The following KYNU variants were observed in gnomAD, a reference collection of about 807,000 sequenced individuals.
KYNU encodes the protein kynureninase, also known as L-kynurenine hydrolase.
KYNU carries 54 observed loss-of-function variants against 59.2 expected under a neutral mutation model. That is an observed-to-expected ratio of 0.91 (90% CI 0.73 to 1.14). KYNU has a LOEUF of 1.14. Ranked by LOEUF, KYNU falls within the 50% of genes most tolerant of loss-of-function variation. The pLI is 0.00. For missense variants in KYNU, 567 were observed against 554.4 expected, an observed-to-expected ratio of 1.02 and a Z score of -0.23; for synonymous variants, 177 against 192.0, an observed-to-expected ratio of 0.92 and a Z score of 0.65.
intron 10 of KYNU, among the ~76,000 whole-genome samples, chr2:143,010,000 C>A (rs1249004621): frequency 7.2e-6 from 1 of 138,356 alleles, no homozygotes; most frequent in Non-Finnish European, 1.5e-5. Flanking sequence ...AAAACTGGCA[C>A]AAGACAGGGA....
intron 10 of KYNU, among the ~76,000 whole-genome samples, chr2:142,986,564 T>C (rs1685207207): frequency 6.6e-6 from 1 of 151,924 alleles, no homozygotes; most frequent in African/African-American, 2.4e-5. Context: ...AAGTAATACT[T>C]TTCTGTTTTA....
chr2:142,917,573 A>T (rs1682706815), intron 2 of KYNU, among the ~76,000 whole-genome samples: 1 of 152,162 alleles, frequency 6.6e-6, no homozygotes, highest in Non-Finnish European at 1.5e-5. Flanking sequence ...AAGTGCCGGG[A>T]TTACAGGCAT....
intron 10 of KYNU, among the ~76,000 whole-genome samples, chr2:143,006,511 G>T (rs1451757497): frequency 3.3e-5 from 1 of 30,642 alleles, no homozygotes; most frequent in Non-Finnish European, 5.7e-5. Context: ...GCTTGATTAG[G>T]TAAACAAAGC....
At chr2:142,962,179 G>A (rs1056049646) in intron 8 of KYNU, among the ~76,000 whole-genome samples, 14 of 152,302 alleles carry the variant, frequency 9.2e-5, no homozygotes, top group South Asian at 8.3e-4. Flanking sequence ...TAGTATACAC[G>A]TATGTCTCAT....
intron 2 of KYNU, among the ~76,000 whole-genome samples, chr2:142,886,037 G>C (rs1681501262): frequency 6.6e-6 from 1 of 151,990 alleles, no homozygotes; most frequent in Admixed American, 6.6e-5. Context: ...ACCAAGAAAA[G>C]AAACAACAAA....
chr2:142,930,470 C>A lies in KYNU; in HGVS notation c.373+2729C>A, dbSNP rs148940163. Among the ~76,000 whole-genome samples the A allele has an allele frequency of 6.3e-4, 96 of 152,172 alleles. 1 individual carries two copies. Among genetic ancestry groups the A allele is most frequent in the South Asian group, 1.2e-3 (6 of 4,828 alleles). On this transcript the variant is annotated intron_variant, in intron 4 of 13. Transcript: ENST00000264170. Reference sequence around the variant, plus strand: ...AACACCACAGACTGGGTGGCTTAAACAATATAAGTTTATTTTTTCGCAGTA... The same window carrying A: ...AACACCACAGACTGGGTGGCTTAAAAAATATAAGTTTATTTTTTCGCAGTA...
chr2:143,039,262 T>C (rs1686969465), intron 12 of KYNU, among the ~76,000 whole-genome samples: 1 of 152,140 alleles, frequency 6.6e-6, no homozygotes, highest in Non-Finnish European at 1.5e-5. Context: ...CTTGTTTTCT[T>C]ATTGTTAAAC....
At position 143,017,441 on chromosome 2, in the gene KYNU, T is replaced by TTTTC. The variant is rs1558977580; in HGVS notation, c.903-12183_903-12182insCTTT. On this transcript the variant is annotated intron_variant, in intron 10 of 13. Coordinates refer to ENST00000264170, the MANE Select transcript of KYNU (RefSeq NM_003937.3). ...ACCTTTTCTCTCTTTTTTCTTTTTT[T>TTTTC]TTTTTTTTTTTTTTTTTGAGATGGA... is the stretch of plus-strand genomic sequence containing the variant. Among the ~76,000 whole-genome samples, 6 of 77,626 alleles carry TTTTC rather than the reference T, an allele frequency of 7.7e-5. No homozygotes were observed. In the East Asian group the frequency reaches 2.4e-3, roughly 31 times the overall value. 50.9% of individuals were successfully genotyped at this position (77,626 alleles called of 152,430 possible). A position where few individuals can be genotyped will look rare whatever the true frequency, so the allele number is the denominator to read the frequency against.
At chr2:142,908,386 TTTAA>T (rs1682365769) in intron 2 of KYNU, among the ~76,000 whole-genome samples, 1 of 152,114 alleles carries the variant, frequency 6.6e-6, no homozygotes. Flanking sequence ...CCTTGAATAA[TTTAA>T]TTAAATTGAG....
intron 11 of KYNU, among the ~76,000 whole-genome samples, chr2:143,032,817 A>G (rs1686795719): frequency 6.6e-6 from 1 of 151,322 alleles, no homozygotes; most frequent in Non-Finnish European, 1.5e-5. Flanking sequence ...AGGTCATTTC[A>G]TTCATATTTC....
At chr2:142,986,292 CAA>C (rs1417159616) in intron 10 of KYNU, among the ~76,000 whole-genome samples, 4 of 151,730 alleles carry the variant, frequency 2.6e-5, no homozygotes, top group African/African-American at 9.7e-5. Flanking sequence ...TGGTTTAATG[CAA>C]AGAGACCACT....
intron 7 of KYNU, among the ~76,000 whole-genome samples, chr2:142,959,821 T>G (rs1485006707): frequency 6.6e-6 from 1 of 152,210 alleles, no homozygotes; most frequent in East Asian, 1.9e-4. Flanking sequence ...TCTTGAGCTT[T>G]AGATTAGTTT....
rs374700276 is a variant in KYNU at position 143,028,638 on chromosome 2, G to T, written c.903-989G>T. Among the ~76,000 whole-genome samples, 348 of 150,782 alleles carry T rather than the reference G, an allele frequency of 2.3e-3. 2 individuals are homozygous for T. The highest frequency in any genetic ancestry group is 7.5e-3 in the African/African-American group (310 of 41,226). ...AGGCGGGCTGATCACCTGAGGTCGG[G>T]AGTTCAAGACCAGCCTGACCAACAT... is the stretch of plus-strand genomic sequence containing the variant. On this transcript the variant is annotated intron_variant, in intron 10 of 13. Transcript: ENST00000264170.
At chr2:142,997,468 T>A (rs1172057920) in intron 10 of KYNU, among the ~76,000 whole-genome samples, 2 of 152,152 alleles carry the variant, frequency 1.3e-5, no homozygotes, top group East Asian at 3.9e-4. Context: ...ATCAGCACAT[T>A]TTTTAAAGCC....
rs376142991 is a variant in KYNU at position 142,965,486 on chromosome 2, C to A, written c.729+4716C>A. On this transcript the variant is annotated intron_variant, in intron 8 of 13. Transcript: ENST00000264170. Reference sequence around the variant, plus strand: ...GGTCCACTCAGCAACTCAATTATGTCTGAGTGCCATCTCCCAAGTTTCCTT... The same window carrying A: ...GGTCCACTCAGCAACTCAATTATGTATGAGTGCCATCTCCCAAGTTTCCTT... Among the ~76,000 whole-genome samples the A allele has an allele frequency of 3.3e-5, 5 of 152,276 alleles. No individual in the cohort carries two copies. The East Asian group carries it at 9.6e-4, about 29-fold the overall frequency.
At chr2:143,018,960 C>A (rs919636450) in intron 10 of KYNU, among the ~76,000 whole-genome samples, 3 of 151,962 alleles carry the variant, frequency 2.0e-5, no homozygotes, top group African/African-American at 7.3e-5. Flanking sequence ...TATAGAAGTG[C>A]TACTGATTTT....
chr2:142,882,281 G>A (rs565612822), intron 1 of KYNU, among the ~76,000 whole-genome samples: 96 of 150,454 alleles, frequency 6.4e-4, no homozygotes, highest in African/African-American at 2.1e-3. Context: ...ATTCACCACC[G>A]TTTCTCTCCT....
rs1395644343 is a variant in KYNU, at chr2:143,007,487, G to T, written c.902+21466G>T. Among the ~76,000 whole-genome samples, 23 of 125,890 alleles carry T rather than the reference G, an allele frequency of 1.8e-4. 1 individual carries two copies. The Middle Eastern group carries it at 0.011, about 59-fold the overall frequency. The allele number at this position is 125,890 out of a possible 152,430, so 82.6% of individuals were successfully genotyped here. A position where few individuals can be genotyped will look rare whatever the true frequency, so the allele number is the denominator to read the frequency against. ...AACCAAGTTGGAAAACACTCTGCAG[G>T]ATATTATCCAGGAGAACTTCCCCAA... On this transcript the variant is annotated intron_variant, in intron 10 of 13. Transcript: ENST00000264170.
chr2:142,943,340 A>G (rs552702471), intron 4 of KYNU, among the ~76,000 whole-genome samples: 1 of 152,354 alleles, frequency 6.6e-6, no homozygotes, highest in African/African-American at 2.4e-5. Context: ...TACCATAAAA[A>G]ATTTTAAAAA....
Sources: allele counts gnomAD v4.1 joint callset (sites outside exome capture counted in the v4.1 genomes callset), GRCh38; gene constraint gnomAD v4.1.1; transcripts MANE v1.5; gene names NCBI Gene and HGNC (gene_info 2026-07-23, HGNC 2026-07-21).